SRRM1: variants seen among roughly 807,000 people sequenced by gnomAD.
SRRM1 encodes serine and arginine repetitive matrix 1, also known as serine/arginine repetitive matrix protein 1.
SRRM1 carries 19 observed loss-of-function variants against 110.2 expected under a neutral mutation model. The ratio of observed to expected loss-of-function variants is 0.17; its 90% CI spans 0.12 to 0.25. The LOEUF is 0.25. SRRM1 is among the 10% of genes least tolerant of loss of function. SRRM1 has a pLI of 1.00. For missense variants in SRRM1, 918 were observed against 1,145.8 expected, an observed-to-expected ratio of 0.80 and a Z score of 2.87; for synonymous variants, 443 against 414.9, an observed-to-expected ratio of 1.07 and a Z score of -0.82.
At chr1:24,671,150 T>C (rs535665688) in intron 15 of SRRM1, among the ~76,000 whole-genome samples, 1 of 152,354 alleles carries the variant, frequency 6.6e-6, no homozygotes, top group East Asian at 1.9e-4. Flanking sequence ...CAACAATTTG[T>C]CTAAGGTCAA....
intron 3 of SRRM1, chr1:24,647,460 C>T (rs1398586430): frequency 2.0e-5 from 3 of 152,340 alleles, no homozygotes; most frequent in Non-Finnish European, 4.4e-5. Context: ...AAACTTCAGA[C>T]AAATTGGCAG....
intron 15 of SRRM1, among the ~76,000 whole-genome samples, chr1:24,670,760 G>A (rs1285413836): frequency 6.6e-6 from 1 of 152,204 alleles, no homozygotes; most frequent in African/African-American, 2.4e-5. Flanking sequence ...GGCCTCAGAT[G>A]TCCATATTTA....
At chr1:24,646,311 A>G (rs1230646438) in intron 2 of SRRM1, among the ~76,000 whole-genome samples, 3 of 152,122 alleles carry the variant, frequency 2.0e-5, no homozygotes, top group East Asian at 1.9e-4. Context: ...GCAAATCACA[A>G]TGTCAGGAGA....
chr1:24,645,627 A>G (rs749104375), intron 1 of SRRM1, among the ~76,000 whole-genome samples: 4 of 152,210 alleles, frequency 2.6e-5, no homozygotes, highest in Non-Finnish European at 5.9e-5. Flanking sequence ...TGAAATTTCA[A>G]ATACTTCAAT....
rs1438832754 is a variant in SRRM1, at chr1:24,652,504, AAAAAAG to A, written c.801_806del (p.Glu272_Lys273del). The A allele has an allele frequency of 6.2e-7, 1 of 1,612,866 alleles. No individual in the cohort carries two copies. Among genetic ancestry groups the A allele is most frequent in the Non-Finnish European group, 8.5e-7 (1 of 1,179,612 alleles). On this transcript the variant is annotated inframe_deletion, in exon 7 of 17. Coordinates refer to ENST00000323848, the MANE Select transcript of SRRM1 (RefSeq NM_005839.4). ...AGAACCTTCTCCGGAAAAAAATTCC[AAAAAAG>A]AAAAGGAGAAGGAGAAGACCCGACC...
chr1:24,652,747 G>A lies in SRRM1; in HGVS notation c.920+119G>A. The A allele has an allele frequency of 1.2e-5, 16 of 1,303,456 alleles. No homozygotes were observed. The South Asian group carries it at 2.4e-4, about 20-fold the overall frequency. The allele number at this position is 1,303,456 out of a possible 1,614,324, so 80.7% of individuals were successfully genotyped here. A position where few individuals can be genotyped will look rare whatever the true frequency, so the allele number is the denominator to read the frequency against. On this transcript the variant is annotated intron_variant, in intron 7 of 16. Transcript: ENST00000323848. ...TGTTTAGTACAAATATTTTTTGAAT[G>A]TACACAGAGAATTTGAGGACACTTT... is the stretch of plus-strand genomic sequence containing the variant.
chr1:24,671,296 T>C (rs1672613464), intron 15 of SRRM1, 90 bp from the exon 16 acceptor site: 5 of 1,268,374 alleles, frequency 3.9e-6, no homozygotes, highest in Admixed American at 2.2e-5. Context: ...GATTTGTCCA[T>C]TGGGGATTTG....
intron 15 of SRRM1, among the ~76,000 whole-genome samples, 160 bp from the exon 16 acceptor site, chr1:24,671,226 G>T (rs1672576816): frequency 6.6e-6 from 1 of 152,182 alleles, no homozygotes; most frequent in Admixed American, 6.5e-5. Context: ...ACTTTTCTTG[G>T]TGATAATTGG....
chr1:24,659,515 A>G (rs1666052063), intron 9 of SRRM1, among the ~76,000 whole-genome samples: 1 of 152,224 alleles, frequency 6.6e-6, no homozygotes, highest in Non-Finnish European at 1.5e-5. Context: ...AGGTTAATTT[A>G]TGGTATATAT....
At chr1:24,651,886 T>G (rs1049357551) in intron 6 of SRRM1, among the ~76,000 whole-genome samples, 2 of 151,148 alleles carry the variant, frequency 1.3e-5, no homozygotes, top group Admixed American at 6.6e-5. Flanking sequence ...ACTTCGCACT[T>G]TTAAGAAATG....
Position 24,669,242 on chromosome 1 carries a change from C to G in SRRM1, c.1859C>G (p.Pro620Arg), listed in dbSNP as rs768911823. The G allele has an allele frequency of 6.2e-7, 1 of 1,614,176 alleles. No homozygotes were observed. The highest frequency in any genetic ancestry group is 1.7e-5 in the Admixed American group (1 of 60,012). The stretch of plus-strand genomic sequence containing the variant: ...AGAAGAACGGCTTCACCTCCTCCCC[C>G]TCCTAAACGAAGAGCATCACCATCT... ...PKRRTASPPP[P>R]PKRRASPSPP... The change falls in exon 14 of 17, where the codon CCT becomes CGT. Residue 620 changes from proline to arginine, a missense_variant. Transcript: ENST00000323848.
chr1:24,645,542 C>T (rs1293396890), intron 1 of SRRM1, among the ~76,000 whole-genome samples: 1 of 152,174 alleles, frequency 6.6e-6, no homozygotes, highest in Non-Finnish European at 1.5e-5. Flanking sequence ...CTGGGATGTT[C>T]TTTTTTCCTT....
In SRRM1 at chr1:24,673,216, A is replaced by G. The variant is rs1025791948; in HGVS notation, c.*930A>G. The G allele has an allele frequency of 1.3e-5, 2 of 151,728 alleles. No individual in the cohort carries two copies. The highest frequency in any genetic ancestry group is 2.9e-5 in the Non-Finnish European group (2 of 67,976). 9.4% of individuals were successfully genotyped at this position (151,728 alleles called of 1,614,324 possible). A position where few individuals can be genotyped will look rare whatever the true frequency, so the allele number is the denominator to read the frequency against. ...TTTTTGTTTTGATTTTTTTTAAACT[A>G]AAGCTATATAAAGCTTGTGGATTAA... On this transcript the variant is annotated 3_prime_UTR_variant, in exon 17 of 17. Transcript: ENST00000323848.
chr1:24,661,483 GTACT>G, intron 11 of SRRM1, 87 bp downstream of exon 11: 1 of 912,920 alleles, frequency 1.1e-6, no homozygotes, highest in Non-Finnish European at 1.7e-6. Flanking sequence ...TGCAGCATGA[GTACT>G]TACTTGCCTA....
At chr1:24,662,630 TG>T in intron 11 of SRRM1, 29 bp from the exon 12 acceptor site, 2 of 1,605,780 alleles carry the variant, frequency 1.2e-6, no homozygotes, top group East Asian at 4.5e-5. Context: ...ACAAACCTAA[TG>T]TAATATTTTT....
intron 3 of SRRM1, chr1:24,647,841 A>G (rs1044560688): frequency 6.6e-6 from 1 of 152,286 alleles, no homozygotes; most frequent in Non-Finnish European, 1.5e-5. Context: ...TTAAATGATG[A>G]TTGAAGATAG....
Position 24,650,073 on chromosome 1 carries a change from C to T in SRRM1, c.508C>T (p.Arg170Cys), listed in dbSNP as rs1037131526. The stretch of plus-strand genomic sequence containing the variant: ...CAGCAGAGAAAAAAGGGAGCGGTCT[C>T]GTAGCCCAAGAAGGTATCATACAAT... ...ESSREKRERS[R>C]SPRRRKSRSP... Residue 170 changes from arginine (R) to cysteine (C), a missense_variant, in exon 5 of 17, where the codon CGT becomes TGT. Arg to Cys is a radical substitution (Grantham distance 180). Coordinates refer to ENST00000323848, the MANE Select transcript of SRRM1 (RefSeq NM_005839.4). The T allele has an allele frequency of 2.5e-6, 4 of 1,582,870 alleles. No homozygotes were observed. Among genetic ancestry groups the T allele is most frequent in the African/African-American group, 1.3e-5 (1 of 74,126 alleles).
chr1:24,668,396 G>A (rs1031699596), intron 13 of SRRM1, among the ~76,000 whole-genome samples: 8 of 152,190 alleles, frequency 5.3e-5, no homozygotes, highest in African/African-American at 1.9e-4. Context: ...GTGAGGAAAT[G>A]GGAGTTGAGA....
chr1:24,646,962 A>C (rs1038158066), intron 3 of SRRM1, 173 bp downstream of exon 3: 2 of 484,414 alleles, frequency 4.1e-6, no homozygotes, highest in Non-Finnish European at 7.0e-6. Flanking sequence ...GTGAAGGTGC[A>C]TAGTTTTGAA....
Sources: allele counts gnomAD v4.1 joint callset (sites outside exome capture counted in the v4.1 genomes callset), GRCh38; gene constraint gnomAD v4.1.1; transcripts MANE v1.5; gene names NCBI Gene and HGNC (gene_info 2026-07-23, HGNC 2026-07-21).